Variants in MED12L observed in about 807,000 individuals in gnomAD.
MED12L encodes mediator of RNA polymerase II transcription subunit 12-like protein.
Under a neutral mutation model 281.3 loss-of-function variants are expected in MED12L, and 60 were observed. The observed-to-expected ratio is 0.21, with a 90% CI of 0.17 to 0.26. The LOEUF is 0.26. Among genes scored for constraint, MED12L ranks in the 10% least tolerant of loss-of-function variants. The pLI is 1.00. For missense variants in MED12L, 2,146 were observed against 2,680.9 expected (o/e 0.80, Z 4.41); for synonymous variants, 974 against 987.2 (o/e 0.99, Z 0.25).
chr3:151,368,128 T>C (rs1386173779), intron 24 of MED12L, 22 bp from the exon 25 acceptor site: 2 of 1,604,894 alleles, frequency 1.2e-6, no homozygotes, highest in South Asian at 2.2e-5. Flanking sequence ...GAAAACTTGC[T>C]TTTCCAATCC....
At chr3:151,249,716 TG>T (rs1411191078) in intron 16 of MED12L, among the ~76,000 whole-genome samples, 1 of 152,206 alleles carries the variant, frequency 6.6e-6, no homozygotes, top group African/African-American at 2.4e-5. Flanking sequence ...GACTTAAATC[TG>T]GTTTCACAAC....
intron 8 of MED12L, 40 bp downstream of exon 8, chr3:151,160,141 T>C: frequency 2.7e-5 from 39 of 1,470,624 alleles, no homozygotes; most frequent in Non-Finnish European, 3.4e-5. Context: ...TAAAATTCAA[T>C]GTGGGAAGTG....
At chr3:151,228,399 C>T (rs546057457) in intron 16 of MED12L, among the ~76,000 whole-genome samples, 24 of 152,228 alleles carry the variant, frequency 1.6e-4, no homozygotes, top group Admixed American at 9.8e-4. Context: ...GGGAACATTG[C>T]GCGTACAGGG....
chr3:151,166,167 G>A (rs1398701761), intron 11 of MED12L, among the ~76,000 whole-genome samples, 185 bp downstream of exon 11: 1 of 152,070 alleles, frequency 6.6e-6, no homozygotes, highest in African/African-American at 2.4e-5. Flanking sequence ...AAATGTCAGT[G>A]GGGCTTATCT....
At chr3:151,141,523 C>T (rs550702510) in intron 5 of MED12L, among the ~76,000 whole-genome samples, 13 of 152,140 alleles carry the variant, frequency 8.5e-5, no homozygotes, top group South Asian at 8.3e-4. Context: ...ACACCTAAAA[C>T]GGAGCATAAT....
chr3:151,211,367 G>GT (rs796470169), intron 16 of MED12L, among the ~76,000 whole-genome samples: 7,199 of 126,624 alleles, frequency 0.057, 479 homozygotes, highest in African/African-American at 0.17. Flanking sequence ...CACTGCCTTT[G>GT]TTTTTTTTTT....
intron 16 of MED12L, among the ~76,000 whole-genome samples, chr3:151,330,811 A>C (rs541298995): frequency 7.4e-4 from 113 of 152,354 alleles, no homozygotes; most frequent in African/African-American, 2.6e-3. Flanking sequence ...TTGGGAGTAT[A>C]GATTCAAGAT....
rs1347935992 is a variant in MED12L, at chr3:151,116,382, G to T, written c.144G>T (p.Gln48His). 1 of 1,613,578 alleles carries T rather than the reference G, an allele frequency of 6.2e-7. No homozygotes were observed. Among genetic ancestry groups the T allele is most frequent in the South Asian group, 1.1e-5 (1 of 91,024 alleles). The change falls in exon 3 of 45, where the codon CAG becomes CAT. Residue 48 changes from glutamine to histidine, a missense_variant. This residue lies in a region of MED12L where 722 missense variants were observed against 861.2 expected (regional missense o/e 0.84). Transcript: ENST00000687756. ...ATGTAAAGCAAGGCTTCAATAATCA[G>T]CCAGCCTTCACTGGAGATGAACATG... ...AVNVKQGFNNQPAFTGDEHGS... is the reference protein window; with the variant it reads ...AVNVKQGFNNHPAFTGDEHGS...
intron 17 of MED12L, 119 bp downstream of exon 17, chr3:151,350,325 C>A (rs1047437857): frequency 1.1e-6 from 1 of 886,738 alleles, no homozygotes; most frequent in South Asian, 2.7e-5. Flanking sequence ...CTGAATGACT[C>A]TCACATTGAA....
intron 22 of MED12L, 92 bp from the exon 23 acceptor site, chr3:151,365,758 T>C (rs534809582): frequency 8.8e-7 from 1 of 1,130,010 alleles, no homozygotes; most frequent in African/African-American, 1.6e-5. Context: ...ACTTGTTTGA[T>C]GTTAGTGAAA....
Position 151,159,855 on chromosome 3 carries a change from G to A in MED12L, c.861G>A (p.Ser287=). ...MLQYSDEFVQ[S]AYLSRRLAYF... ...AGTATTCAGATGAGTTTGTTCAGTC[G>A]GCCTACCTGTCTCGTCGTCTTGCCT... The change falls in exon 8 of 45, where the codon TCG becomes TCA. Residue 287 remains serine, a synonymous_variant. Coordinates refer to ENST00000687756, the MANE Select transcript of MED12L (RefSeq NM_001393769.1). 3.7e-6 allele frequency: 6 copies of A among 1,613,924 alleles called. No homozygotes were observed. Among genetic ancestry groups the A allele is most frequent in the Non-Finnish European group, 5.1e-6 (6 of 1,179,902 alleles).
At chr3:151,120,394 A>G (rs1239390070) in intron 3 of MED12L, among the ~76,000 whole-genome samples, 1 of 152,242 alleles carries the variant, frequency 6.6e-6, no homozygotes, top group African/African-American at 2.4e-5. Flanking sequence ...CTAAAGCTCC[A>G]GCTGACTATG....
intron 2 of MED12L, among the ~76,000 whole-genome samples, chr3:151,112,627 A>T (rs143914115): frequency 1.3e-5 from 2 of 152,160 alleles, no homozygotes; most frequent in African/African-American, 4.8e-5. Context: ...CTTTTTAAAA[A>T]TTTTAGAACG....
Position 151,260,905 on chromosome 3 carries a change from C to T in MED12L, c.2250+67239C>T, listed in dbSNP as rs184169058. On this transcript the variant is annotated intron_variant, in intron 16 of 44. Coordinates refer to ENST00000687756, the MANE Select transcript of MED12L (RefSeq NM_001393769.1). ...AAGTCAACATTTATCTTTATCTTGA[C>T]GGCGTCACATCCATTTTTCTGGCCT... Among the ~76,000 whole-genome samples the T allele has an allele frequency of 1.1e-4, 17 of 152,174 alleles. No individual in the cohort carries two copies. In the East Asian group the frequency reaches 1.9e-3, roughly 17 times the overall value.
intron 33 of MED12L, 144 bp from the exon 34 acceptor site, chr3:151,383,635 A>C: frequency 1.7e-6 from 1 of 580,970 alleles, no homozygotes; most frequent in Non-Finnish European, 3.1e-6. Context: ...CATGTAGGTA[A>C]AAGAGAAAAG....
chr3:151,131,732 A>G (rs1381565531), intron 5 of MED12L, among the ~76,000 whole-genome samples: 1 of 69,006 alleles, frequency 1.4e-5, no homozygotes, highest in East Asian at 3.7e-4. Flanking sequence ...GATTTCCCCT[A>G]CTAAATGGAG....
At chr3:151,200,325 A>G (rs781632932) in intron 16 of MED12L, among the ~76,000 whole-genome samples, 4 of 152,206 alleles carry the variant, frequency 2.6e-5, no homozygotes, top group Non-Finnish European at 4.4e-5. Flanking sequence ...AGGGTACATT[A>G]GTAATCTTTC....
At chr3:151,152,164 A>G (rs1313778487) in intron 5 of MED12L, among the ~76,000 whole-genome samples, 2 of 129,842 alleles carry the variant, frequency 1.5e-5, no homozygotes, top group East Asian at 5.0e-4. Flanking sequence ...CAGTAGAGCA[A>G]TCTGGGCTCA....
intron 1 of MED12L, among the ~76,000 whole-genome samples, 197 bp downstream of exon 1, chr3:151,086,133 C>A (rs544156894): frequency 6.6e-6 from 1 of 152,314 alleles, no homozygotes; most frequent in Non-Finnish European, 1.5e-5. Context: ...AGCACGGCCC[C>A]CTCCAGCCGC....
Sources: gnomAD v4.1 joint callset for allele counts (sites outside exome capture counted in the v4.1 genomes callset) on GRCh38, gnomAD v4.1.1 for gene constraint, gnomAD v4.1.1 regional missense constraint, MANE v1.5 for transcripts, NCBI Gene and HGNC (gene_info 2026-07-23, HGNC 2026-07-21) for gene names.